Variants in LDLRAD3 observed in about 807,000 individuals in gnomAD.
LDLRAD3 encodes low-density lipoprotein receptor class A domain-containing protein 3.
In LDLRAD3, 20 loss-of-function variants were observed where a neutral mutation model predicts 29.4. The observed-to-expected ratio is 0.68, with a 90% CI of 0.48 to 0.99. LDLRAD3 has a LOEUF of 0.99. Ranked by LOEUF, LDLRAD3 falls within the 50% of genes least tolerant of loss-of-function variation. LDLRAD3 has a pLI of 0.00. For synonymous variants in LDLRAD3, 157 were observed against 192.7 expected (o/e 0.81, Z 1.53); for missense variants, 420 against 454.3 (o/e 0.92, Z 0.69).
Position 36,229,199 on chromosome 11 carries a change from T to C in LDLRAD3, c.840T>C (p.Ser280=). The C allele has an allele frequency of 6.2e-7, 1 of 1,614,096 alleles. No homozygotes were observed. The highest frequency in any genetic ancestry group is 8.5e-7 in the Non-Finnish European group (1 of 1,180,002). ...WYDLPPPPYS[S]DTESLNQADL... is the part of the protein sequence containing the mutation. Reference sequence around the variant, plus strand: ...ACCTTCCTCCACCGCCCTACTCTTCTGACACGGAATCTCTGAACCAAGCCG... The same window carrying C: ...ACCTTCCTCCACCGCCCTACTCTTCCGACACGGAATCTCTGAACCAAGCCG... The change falls in exon 6 of 6, where the codon TCT becomes TCC. Residue 280 remains serine, a synonymous_variant. Transcript: ENST00000315571.
intron 4 of LDLRAD3, among the ~76,000 whole-genome samples, chr11:36,168,757 T>C (rs1415113074): frequency 6.6e-6 from 1 of 152,032 alleles, no homozygotes; most frequent in Admixed American, 6.6e-5. Context: ...AAATCGGTGG[T>C]GAGGAGATAA....
intron 1 of LDLRAD3, among the ~76,000 whole-genome samples, chr11:35,999,655 G>A (rs1565152660): frequency 6.6e-6 from 1 of 152,172 alleles, no homozygotes; most frequent in Non-Finnish European, 1.5e-5. Flanking sequence ...AACCCAAAGT[G>A]CACTAATTCT....
At chr11:36,138,689 T>G (rs1213208415) in intron 4 of LDLRAD3, among the ~76,000 whole-genome samples, 1 of 152,242 alleles carries the variant, frequency 6.6e-6, no homozygotes, top group African/African-American at 2.4e-5. Context: ...CACATCTTAC[T>G]TGGAAAATGC....
chr11:36,096,545 G>C (rs192788863), intron 3 of LDLRAD3, among the ~76,000 whole-genome samples: 1 of 152,348 alleles, frequency 6.6e-6, no homozygotes, highest in East Asian at 1.9e-4. Context: ...CTGTAGGACC[G>C]AGATTCACAT....
intron 4 of LDLRAD3, among the ~76,000 whole-genome samples, chr11:36,220,203 G>C (rs1565313332): frequency 1.3e-5 from 2 of 152,168 alleles, no homozygotes; most frequent in Non-Finnish European, 2.9e-5. Context: ...GTGCTGGTGA[G>C]GACACAGGAT....
intron 1 of LDLRAD3, among the ~76,000 whole-genome samples, chr11:35,987,155 CTATGACACATTTGTATATCTTGT>C (rs1385589922): frequency 6.6e-6 from 1 of 152,216 alleles, no homozygotes. Context: ...CAAGTACCAG[CTATGACACATTTGTATATCTTGT>C]TATGACACAT....
intron 1 of LDLRAD3, among the ~76,000 whole-genome samples, chr11:36,006,228 G>C (rs191794317): frequency 6.6e-6 from 1 of 152,230 alleles, no homozygotes; most frequent in East Asian, 1.9e-4. Context: ...GGGCGCCATA[G>C]TTACCAGAGT....
intron 4 of LDLRAD3, among the ~76,000 whole-genome samples, chr11:36,189,528 C>T (rs1433036824): frequency 6.6e-6 from 1 of 151,586 alleles, no homozygotes; most frequent in Non-Finnish European, 1.5e-5. Flanking sequence ...TTAGCTATCA[C>T]CCCCTGCACC....
chr11:35,947,668 C>T (rs900115357), intron 1 of LDLRAD3, among the ~76,000 whole-genome samples: 13 of 152,090 alleles, frequency 8.5e-5, no homozygotes, highest in African/African-American at 3.1e-4. Flanking sequence ...TATCATGTGG[C>T]AGGAAATCAT....
chr11:36,204,655 T>A (rs1590354420), intron 4 of LDLRAD3, among the ~76,000 whole-genome samples: 2 of 152,036 alleles, frequency 1.3e-5, no homozygotes, highest in African/African-American at 4.8e-5. Context: ...GCCCTGCTAA[T>A]TTTTTGTATT....
At chr11:36,181,829 G>T (rs1268518026) in intron 4 of LDLRAD3, among the ~76,000 whole-genome samples, 3 of 152,112 alleles carry the variant, frequency 2.0e-5, no homozygotes, top group Admixed American at 2.0e-4. Flanking sequence ...TTAGTTAGAA[G>T]GCCCTGAGTG....
intron 2 of LDLRAD3, among the ~76,000 whole-genome samples, chr11:36,055,820 C>A (rs80063469): frequency 0.014 from 2,075 of 152,240 alleles, 54 homozygotes; most frequent in African/African-American, 0.048. Flanking sequence ...AACTACAGAC[C>A]TCTGTAATTT....
At chr11:36,011,522 A>G (rs991712480) in intron 1 of LDLRAD3, among the ~76,000 whole-genome samples, 17 of 151,916 alleles carry the variant, frequency 1.1e-4, no homozygotes, top group Non-Finnish European at 2.4e-4. Flanking sequence ...TCAACACTTC[A>G]GATGTATAAT....
chr11:36,033,063 G>A lies in LDLRAD3; in HGVS notation c.47-3040G>A, dbSNP rs113657808. ...CTAATTTTGTATTTTTAGTAGAGAA[G>A]GGGTTTCACCATGTTGGTAGGCTGG... is the stretch of plus-strand genomic sequence containing the variant. On this transcript the variant is annotated intron_variant, in intron 1 of 5. Coordinates refer to ENST00000315571, the MANE Select transcript of LDLRAD3 (RefSeq NM_174902.4). Among the ~76,000 whole-genome samples, 555 of 152,134 alleles carry A rather than the reference G, an allele frequency of 3.6e-3. 5 individuals are homozygous for A. The highest frequency in any genetic ancestry group is 0.013 in the African/African-American group (526 of 41,508).
intron 4 of LDLRAD3, among the ~76,000 whole-genome samples, chr11:36,174,455 A>C (rs1405397305): frequency 6.6e-6 from 1 of 152,240 alleles, no homozygotes; most frequent in African/African-American, 2.4e-5. Flanking sequence ...AAATTTTTGC[A>C]ATCTACTCAT....
chr11:36,197,047 G>A (rs554189871), intron 4 of LDLRAD3: 1 of 152,304 alleles, frequency 6.6e-6, no homozygotes, highest in African/African-American at 2.4e-5. Flanking sequence ...TGTCTAAAGA[G>A]AATGCCACTG....
chr11:36,121,361 G>A (rs904406045), intron 4 of LDLRAD3, among the ~76,000 whole-genome samples: 1 of 152,062 alleles, frequency 6.6e-6, no homozygotes, highest in Non-Finnish European at 1.5e-5. Flanking sequence ...AGGTGGGGTG[G>A]TGGAGTGCAG....
intron 1 of LDLRAD3, among the ~76,000 whole-genome samples, chr11:36,008,503 C>T (rs1851912859): frequency 6.6e-6 from 1 of 152,128 alleles, no homozygotes; most frequent in Non-Finnish European, 1.5e-5. Context: ...AGAAATGTAA[C>T]TTTAAATGCT....
chr11:36,128,510 G>A (rs755073709), intron 4 of LDLRAD3, among the ~76,000 whole-genome samples: 9 of 152,176 alleles, frequency 5.9e-5, no homozygotes, highest in Non-Finnish European at 1.3e-4. Context: ...CTCGAGAGCA[G>A]TGGGGAGCCC....
Sources: gnomAD v4.1 joint callset for allele counts (sites outside exome capture counted in the v4.1 genomes callset) on GRCh38, gnomAD v4.1.1 for gene constraint, MANE v1.5 for transcripts, NCBI Gene and HGNC (gene_info 2026-07-23, HGNC 2026-07-21) for gene names.